Variants in HPSE2 observed in about 807,000 individuals in gnomAD.
The protein encoded by HPSE2 is heparanase 2 (inactive).
In HPSE2, 38 loss-of-function variants were observed where a neutral mutation model predicts 60.5. The ratio of observed to expected loss-of-function variants is 0.63; its 90% CI spans 0.48 to 0.82. The LOEUF (loss-of-function observed/expected upper bound fraction) is 0.82, where lower values mean the gene tolerates loss of function less well. Among genes scored for constraint, HPSE2 ranks in the 40% least tolerant of loss-of-function variants. The probability of loss-of-function intolerance (pLI) is 0.00; values close to 1 mark genes in which losing one functional copy is unlikely to be tolerated. For missense variants in HPSE2, 713 were observed against 740.4 expected, an observed-to-expected ratio of 0.96 and a Z score of 0.43; for synonymous variants, 295 against 293.2, an observed-to-expected ratio of 1.01 and a Z score of -0.06.
At chr10:98,590,448 G>A (rs1215297456) in intron 9 of HPSE2, among the ~76,000 whole-genome samples, 1 of 152,168 alleles carries the variant, frequency 6.6e-6, no homozygotes, top group African/African-American at 2.4e-5. Context: ...GCTTCTAGGG[G>A]TCATATCATT....
intron 2 of HPSE2, among the ~76,000 whole-genome samples, chr10:99,186,127 C>CACACACACACACACACACACAT (rs1848005099): frequency 2.0e-5 from 3 of 147,562 alleles, no homozygotes; most frequent in South Asian, 2.2e-4. Context: ...CACACACACA[C>CACACACACACACACACACACAT]ACACACACAC....
In HPSE2 at chr10:98,923,009, T is replaced by C. The variant is rs550770687; in HGVS notation, c.611-178953A>G. On this transcript the variant is annotated intron_variant, in intron 3 of 11. Transcript: ENST00000370552. ...TAATAATGAGTTTTATATCTTCAGA[T>C]GATATCTTGTTGCTCAATAACATCA... Among the ~76,000 whole-genome samples, 28 of 152,378 alleles carry C rather than the reference T, an allele frequency of 1.8e-4. No individual in the cohort carries two copies. The South Asian group carries it at 5.6e-3, about 30-fold the overall frequency.
intron 3 of HPSE2, among the ~76,000 whole-genome samples, chr10:98,778,464 G>T (rs908641923): frequency 6.6e-6 from 1 of 152,074 alleles, no homozygotes; most frequent in African/African-American, 2.4e-5. Flanking sequence ...TACACAGTTA[G>T]TGCGGGATGT....
chr10:99,113,241 T>C (rs181406962), intron 3 of HPSE2, among the ~76,000 whole-genome samples: 436 of 152,290 alleles, frequency 2.9e-3, no homozygotes, highest in Non-Finnish European at 5.0e-3. Context: ...TTCCCTACTA[T>C]ATAAATGGGA....
chr10:98,793,234 T>A (rs572907295), intron 3 of HPSE2, among the ~76,000 whole-genome samples: 1 of 152,342 alleles, frequency 6.6e-6, no homozygotes, highest in Admixed American at 6.5e-5. Context: ...TCCCTTCAGG[T>A]TCTTGGCTTT....
intron 3 of HPSE2, among the ~76,000 whole-genome samples, chr10:99,045,043 C>T (rs1957824408): frequency 6.6e-6 from 1 of 152,132 alleles, no homozygotes; most frequent in Non-Finnish European, 1.5e-5. Context: ...ACACTCCACC[C>T]AACAATGACA....
intron 2 of HPSE2, among the ~76,000 whole-genome samples, chr10:99,205,115 G>C (rs904145379): frequency 7.2e-5 from 11 of 152,262 alleles, no homozygotes; most frequent in African/African-American, 2.6e-4. Context: ...GGGAAGCAAG[G>C]GCTGAAAAAT....
intron 4 of HPSE2, among the ~76,000 whole-genome samples, chr10:98,723,980 T>C (rs1028307585): frequency 3.9e-5 from 6 of 152,202 alleles, no homozygotes; most frequent in African/African-American, 1.4e-4. Flanking sequence ...TCTGCTTTGA[T>C]CTTAGTTATT....
At chr10:98,685,079 T>A (rs957734431) in intron 6 of HPSE2, among the ~76,000 whole-genome samples, 1 of 152,194 alleles carries the variant, frequency 6.6e-6, no homozygotes, top group African/African-American at 2.4e-5. Context: ...TACTAGGTTC[T>A]GCATTTAACA....
intron 2 of HPSE2, among the ~76,000 whole-genome samples, chr10:99,146,689 C>T (rs1005227940): frequency 6.6e-6 from 1 of 152,044 alleles, no homozygotes; most frequent in African/African-American, 2.4e-5. Context: ...GGTGAAACCC[C>T]ACCTCTACTA....
At chr10:99,298,459 G>C in the HPSE2 span, among the ~76,000 whole-genome samples, 1 of 152,156 alleles carries the variant, frequency 6.6e-6, no homozygotes, top group Non-Finnish European at 1.5e-5. Flanking sequence ...TGCCACTAAG[G>C]TGTCTTTTAG....
chr10:98,984,832 T>A (rs1443622001), intron 3 of HPSE2, among the ~76,000 whole-genome samples: 1 of 152,178 alleles, frequency 6.6e-6, no homozygotes, highest in Non-Finnish European at 1.5e-5. Flanking sequence ...GCACGAGAAC[T>A]ACGTGACGAA....
At chr10:98,902,702 T>C (rs766279999) in intron 3 of HPSE2, among the ~76,000 whole-genome samples, 1 of 152,198 alleles carries the variant, frequency 6.6e-6, no homozygotes, top group Non-Finnish European at 1.5e-5. Context: ...TTTAATTGTA[T>C]GCAAACTTTA....
At chr10:99,000,533 G>A (rs964455332) in intron 3 of HPSE2, among the ~76,000 whole-genome samples, 2 of 152,062 alleles carry the variant, frequency 1.3e-5, no homozygotes, top group Admixed American at 1.3e-4. Flanking sequence ...ACACTCAGAG[G>A]TGCAAAACAG....
At chr10:98,579,477 C>T (rs1177685234) in intron 9 of HPSE2, among the ~76,000 whole-genome samples, 1 of 152,156 alleles carries the variant, frequency 6.6e-6, no homozygotes, top group Non-Finnish European at 1.5e-5. Flanking sequence ...TCAGCTTTGC[C>T]TGATCGCCAG....
chr10:98,858,476 T>C (rs944578293), intron 3 of HPSE2, among the ~76,000 whole-genome samples: 1 of 152,170 alleles, frequency 6.6e-6, no homozygotes, highest in Non-Finnish European at 1.5e-5. Context: ...TTGACTTCCA[T>C]GGTTTTAATG....
At chr10:98,570,625 C>G (rs1321737279) in intron 9 of HPSE2, among the ~76,000 whole-genome samples, 2 of 152,008 alleles carry the variant, frequency 1.3e-5, no homozygotes, top group African/African-American at 4.8e-5. Flanking sequence ...ATTGCTTTGT[C>G]TGCTCAGACC....
chr10:98,908,899 A>G lies in HPSE2; in HGVS notation c.611-164843T>C, dbSNP rs1953902557. Among the ~76,000 whole-genome samples, 2 of 152,086 alleles carry G rather than the reference A, an allele frequency of 1.3e-5. 1 individual carries two copies. Among genetic ancestry groups the G allele is most frequent in the South Asian group, 4.1e-4 (2 of 4,820 alleles). On this transcript the variant is annotated intron_variant, in intron 3 of 11. Coordinates refer to ENST00000370552, the MANE Select transcript of HPSE2 (RefSeq NM_021828.5). Reference sequence around the variant, plus strand: ...TTTTCCTCCTGTCACAGAAAGACACATTCCTGCCTTAAACACCCTCTCCCC... The same window carrying G: ...TTTTCCTCCTGTCACAGAAAGACACGTTCCTGCCTTAAACACCCTCTCCCC...
At chr10:98,742,672 A>C (rs1364289880) in intron 4 of HPSE2, among the ~76,000 whole-genome samples, 1 of 152,056 alleles carries the variant, frequency 6.6e-6, no homozygotes, top group Non-Finnish European at 1.5e-5. Context: ...GTCACAAATA[A>C]ATATATATCA....
Sources: allele counts gnomAD v4.1 joint callset (sites outside exome capture counted in the v4.1 genomes callset), GRCh38; gene constraint gnomAD v4.1.1; transcripts MANE v1.5; gene names NCBI Gene and HGNC (gene_info 2026-07-23, HGNC 2026-07-21).